TRMT10B: variants seen among roughly 807,000 people sequenced by gnomAD.
The protein encoded by TRMT10B is tRNA methyltransferase 10 homolog B.
TRMT10B carries 33 observed loss-of-function variants against 43.8 expected under a neutral mutation model. That is an observed-to-expected ratio of 0.75 (90% CI 0.57 to 1.01). The LOEUF is 1.01. TRMT10B is among the 50% of genes least tolerant of loss of function. TRMT10B has a pLI of 0.00. For missense variants in TRMT10B, 362 were observed against 369.8 expected (o/e 0.98, Z 0.17); for synonymous variants, 137 against 130.6 (o/e 1.05, Z -0.34).
intron 1 of TRMT10B, among the ~76,000 whole-genome samples, chr9:37,760,069 T>A (rs1042531539): frequency 6.6e-6 from 1 of 152,166 alleles, no homozygotes; most frequent in Non-Finnish European, 1.5e-5. Context: ...TTCACACATG[T>A]AATCCCAGCA....
rs1362248741 is a variant in TRMT10B at position 37,778,571 on chromosome 9, A to G, written c.*864A>G. ...AAACCACATGGCTTTGGACGTGCTA[A>G]TTCAACTTTTGTACATCTATTTGTG... On this transcript the variant is annotated 3_prime_UTR_variant, in exon 9 of 9. Coordinates refer to ENST00000297994, the MANE Select transcript of TRMT10B (RefSeq NM_144964.4). 2 of 152,198 alleles carry G rather than the reference A, an allele frequency of 1.3e-5. No homozygotes were observed. Among genetic ancestry groups the G allele is most frequent in the Non-Finnish European group, 2.9e-5 (2 of 68,038 alleles). The allele number at this position is 152,198 out of a possible 1,614,324, so 9.4% of individuals were successfully genotyped here. A position where few individuals can be genotyped will look rare whatever the true frequency, so the allele number is the denominator to read the frequency against.
intron 7 of TRMT10B, among the ~76,000 whole-genome samples, chr9:37,774,299 G>GC (rs1827903684): frequency 6.6e-6 from 1 of 152,212 alleles, no homozygotes; most frequent in Non-Finnish European, 1.5e-5. Context: ...ACGGTGCCTG[G>GC]CCAACAGTCC....
chr9:37,758,320 G>A (rs1825934749), intron 1 of TRMT10B, among the ~76,000 whole-genome samples: 1 of 152,192 alleles, frequency 6.6e-6, no homozygotes, highest in Non-Finnish European at 1.5e-5. Context: ...GCTGGGGTGG[G>A]AGAATCACCC....
At chr9:37,769,848 C>T (rs887529410) in intron 5 of TRMT10B, 93 bp from the exon 6 acceptor site, 1 of 951,802 alleles carries the variant, frequency 1.1e-6, no homozygotes, top group Non-Finnish European at 1.7e-6. Context: ...AGTGATCCTT[C>T]CACCTTAGCC....
chr9:37,763,626 T>C lies in TRMT10B; in HGVS notation c.296-3T>C, dbSNP rs200640395. The C allele has an allele frequency of 5.0e-6, 8 of 1,612,950 alleles. No individual in the cohort carries two copies. In the Admixed American group the frequency reaches 1.3e-4, roughly 27 times the overall value. ...TTATTTCTTTCTGATATTTCTGCTT[T>C]AGGCATTTGCCCCCAGCACAGCAAA... is the stretch of plus-strand genomic sequence containing the variant. On this transcript the variant is annotated splice_region_variant and splice_polypyrimidine_tract_variant and intron_variant, in intron 3 of 8. Transcript: ENST00000297994.
chr9:37,769,308 TAAAA>T (rs57651814), intron 5 of TRMT10B, among the ~76,000 whole-genome samples: 128 of 60,710 alleles, frequency 2.1e-3, no homozygotes, highest in African/African-American at 8.6e-3. Flanking sequence ...ACCCTGTCTT[TAAAA>T]AAAAAAAAAA....
intron 8 of TRMT10B, among the ~76,000 whole-genome samples, chr9:37,776,778 A>G (rs1828200615): frequency 6.6e-6 from 1 of 151,878 alleles, no homozygotes; most frequent in Admixed American, 6.6e-5. Context: ...GCACGCCTGT[A>G]ATACCAATTA....
rs192866073 is a variant in TRMT10B at position 37,765,548 on chromosome 9, C to T, written c.420+1795C>T. Among the ~76,000 whole-genome samples, 177 of 152,192 alleles carry T rather than the reference C, an allele frequency of 1.2e-3. 1 individual carries two copies. Among genetic ancestry groups the T allele is most frequent in the South Asian group, 5.6e-3 (27 of 4,826 alleles). On this transcript the variant is annotated intron_variant, in intron 4 of 8. Transcript: ENST00000297994. Reference sequence around the variant, plus strand: ...TGTGAATAGTGCCGGAATAAACATACGTGTGCATGTGTCTTTATAGAAGCA... The same window carrying T: ...TGTGAATAGTGCCGGAATAAACATATGTGTGCATGTGTCTTTATAGAAGCA...
At chr9:37,755,012 T>A (rs923982275) in intron 1 of TRMT10B, among the ~76,000 whole-genome samples, 2 of 152,174 alleles carry the variant, frequency 1.3e-5, no homozygotes, top group African/African-American at 4.8e-5. Flanking sequence ...GGCTCACGCC[T>A]GTAATCCTAG....
intron 3 of TRMT10B, 57 bp from the exon 4 acceptor site, chr9:37,763,572 T>TTATA: frequency 6.6e-7 from 1 of 1,504,254 alleles, no homozygotes; most frequent in Middle Eastern, 1.7e-4. Context: ...GATTTGTTTC[T>TTATA]TATATAATAT....
chr9:37,757,607 T>C (rs1458547362), intron 1 of TRMT10B, among the ~76,000 whole-genome samples: 2 of 152,246 alleles, frequency 1.3e-5, no homozygotes, highest in African/African-American at 2.4e-5. Context: ...GGAATATATC[T>C]GGTGGTCACA....
intron 7 of TRMT10B, among the ~76,000 whole-genome samples, chr9:37,775,297 A>G (rs1195149796): frequency 6.6e-6 from 1 of 152,144 alleles, no homozygotes; most frequent in East Asian, 1.9e-4. Context: ...AAGCCTTGGC[A>G]TGTTAATTAT....
At chr9:37,768,942 T>C (rs1166514740) in intron 5 of TRMT10B, among the ~76,000 whole-genome samples, 1 of 152,208 alleles carries the variant, frequency 6.6e-6, no homozygotes, top group Non-Finnish European at 1.5e-5. Flanking sequence ...CATAGTTCCC[T>C]TACTTTCCTG....
At chr9:37,761,199 A>C (rs553839613) in intron 1 of TRMT10B, among the ~76,000 whole-genome samples, 1 of 152,250 alleles carries the variant, frequency 6.6e-6, no homozygotes, top group Non-Finnish European at 1.5e-5. Flanking sequence ...TAGGTATTCA[A>C]TAAATATTTG....
rs113427024 is a variant in TRMT10B at position 37,759,294 on chromosome 9, C to T, written c.-29-2609C>T. 2.8e-4 allele frequency among the ~76,000 whole-genome samples: 43 copies of T among 152,166 alleles called. 1 individual carries two copies. The highest frequency in any genetic ancestry group is 9.6e-4 in the African/African-American group (40 of 41,508). ...ATTCATACAATGGAATGCTACTCAG[C>T]AATAAAAAAGCAACTACTGATACAT... is the stretch of plus-strand genomic sequence containing the variant. On this transcript the variant is annotated intron_variant, in intron 1 of 8. Coordinates refer to ENST00000297994, the MANE Select transcript of TRMT10B (RefSeq NM_144964.4).
In TRMT10B at chr9:37,778,678, C is replaced by T. The variant is rs1055614643; in HGVS notation, c.*971C>T. 1 of 152,298 alleles carries T rather than the reference C, an allele frequency of 6.6e-6. No individual in the cohort carries two copies. The allele number at this position is 152,298 out of a possible 1,614,324, so 9.4% of individuals were successfully genotyped here. ...TGGCATCATAAAATTGTATGACTTTCTCCAGCCTTGTCTGATCATGCTCGT... is the reference window on the plus strand; with the variant it reads ...TGGCATCATAAAATTGTATGACTTTTTCCAGCCTTGTCTGATCATGCTCGT... On this transcript the variant is annotated 3_prime_UTR_variant, in exon 9 of 9. Coordinates refer to ENST00000297994, the MANE Select transcript of TRMT10B (RefSeq NM_144964.4).
At position 37,778,141 on chromosome 9, in the gene TRMT10B, A is replaced by G. The variant is rs1047312815; in HGVS notation, c.*434A>G. ...CATGACATCTTCTCAGAGCTTCACA[A>G]TAATGTCAGGGACCACATTTAATGC... is the stretch of plus-strand genomic sequence containing the variant. On this transcript the variant is annotated 3_prime_UTR_variant, in exon 9 of 9. Transcript: ENST00000297994. The G allele has an allele frequency of 6.1e-6, 1 of 165,078 alleles. No individual in the cohort carries two copies. The highest frequency in any genetic ancestry group is 2.4e-5 in the African/African-American group (1 of 41,560). The allele number at this position is 165,078 out of a possible 1,614,324, so 10.2% of individuals were successfully genotyped here.
Position 37,777,666 on chromosome 9 carries a change from T to C in TRMT10B, c.910T>C (p.Ser304Pro), listed in dbSNP as rs1306051712. The C allele has an allele frequency of 2.5e-6, 4 of 1,613,964 alleles. No homozygotes were observed. In the African/African-American group the frequency reaches 5.3e-5, roughly 22 times the overall value. Reference protein sequence around the residue: ...NWPEALKKGVSSGKGYILRNS... With the variant: ...NWPEALKKGVPSGKGYILRNS... ...GCCTGAAGCATTGAAGAAAGGAGTTTCTTCAGGAAAAGGCTATATTCTTCG... is the reference window on the plus strand; with the variant it reads ...GCCTGAAGCATTGAAGAAAGGAGTTCCTTCAGGAAAAGGCTATATTCTTCG... The change falls in exon 9 of 9, where the codon TCT becomes CCT. Residue 304 changes from serine to proline, a missense_variant. Physicochemically the swap from Ser to Pro is moderately conservative, Grantham distance 74. Transcript: ENST00000297994.
chr9:37,762,579 A>G lies in TRMT10B; in HGVS notation c.189A>G (p.Lys63=), dbSNP rs1292597537. 1.9e-6 allele frequency: 3 copies of G among 1,584,134 alleles called. No homozygotes were observed. The African/African-American group carries it at 4.0e-5, about 21-fold the overall frequency. ...TTTTGTTTTCTGGATAATATAAGAAAAATGTCCAGAGAAAACAGAGACACT... is the reference window on the plus strand; with the variant it reads ...TTTTGTTTTCTGGATAATATAAGAAGAATGTCCAGAGAAAACAGAGACACT... ...LATGSTAWCS[K]NVQRKQRHWE... Residue 63 remains lysine, a splice_region_variant and synonymous_variant, in exon 3 of 9, where the codon AAA becomes AAG. Transcript: ENST00000297994.
Sources: gnomAD v4.1 joint callset for allele counts (sites outside exome capture counted in the v4.1 genomes callset) on GRCh38, gnomAD v4.1.1 for gene constraint, MANE v1.5 for transcripts, NCBI Gene and HGNC (gene_info 2026-07-23, HGNC 2026-07-21) for gene names.